The following C1QTNF7 variants were observed in gnomAD, a reference collection of about 807,000 sequenced individuals.
C1QTNF7 encodes the protein complement C1q tumor necrosis factor-related protein 7.
C1QTNF7 carries 15 observed loss-of-function variants against 19.6 expected under a neutral mutation model. That is an observed-to-expected ratio of 0.76 (90% CI 0.51 to 1.18). The LOEUF (loss-of-function observed/expected upper bound fraction) is 1.18, where lower values mean the gene tolerates loss of function less well. Among genes scored for constraint, C1QTNF7 ranks in the 50% most tolerant of loss-of-function variants. C1QTNF7 has a pLI of 0.00. For missense variants in C1QTNF7, 324 were observed against 359.7 expected, an observed-to-expected ratio of 0.90 and a Z score of 0.80; for synonymous variants, 142 against 137.5, an observed-to-expected ratio of 1.03 and a Z score of -0.23.
At chr4:15,364,568 A>G (rs1560343013) in intron 1 of C1QTNF7, among the ~76,000 whole-genome samples, 1 of 152,214 alleles carries the variant, frequency 6.6e-6, no homozygotes, top group Non-Finnish European at 1.5e-5. Context: ...AATATTATCC[A>G]TGCTCTAATA....
At chr4:15,350,190 GA>G (rs1716868617) in intron 1 of C1QTNF7, among the ~76,000 whole-genome samples, 1 of 121,998 alleles carries the variant, frequency 8.2e-6, no homozygotes, top group African/African-American at 3.0e-5. Context: ...AGGCAGGAAG[GA>G]AGGAAGGGAA....
At chr4:15,359,509 C>T (rs530220019) in intron 1 of C1QTNF7, among the ~76,000 whole-genome samples, 73 of 152,238 alleles carry the variant, frequency 4.8e-4, no homozygotes, top group African/African-American at 1.7e-3. Context: ...TTGTAGGACA[C>T]TTAGCATCCC....
intron 1 of C1QTNF7, among the ~76,000 whole-genome samples, chr4:15,419,777 AT>A (rs1181670978): frequency 6.6e-6 from 1 of 152,128 alleles, no homozygotes; most frequent in African/African-American, 2.4e-5. Flanking sequence ...AATAGGAAAA[AT>A]ATTAGAAGGA....
At chr4:15,422,830 C>T (rs543693099) in intron 1 of C1QTNF7, among the ~76,000 whole-genome samples, 178 of 151,970 alleles carry the variant, frequency 1.2e-3, no homozygotes, top group African/African-American at 4.0e-3. Context: ...GCCATATTGC[C>T]CAGGCTGGTC....
intron 1 of C1QTNF7, among the ~76,000 whole-genome samples, chr4:15,348,543 A>G (rs2109284401): frequency 6.6e-6 from 1 of 152,232 alleles, no homozygotes; most frequent in South Asian, 2.1e-4. Flanking sequence ...CATCTGCAGG[A>G]CCAAGCAGGA....
At chr4:15,359,769 C>A (rs1200073338) in intron 1 of C1QTNF7, among the ~76,000 whole-genome samples, 1 of 152,158 alleles carries the variant, frequency 6.6e-6, no homozygotes. Flanking sequence ...CCAGTCTACC[C>A]CCAGATTTTC....
chr4:15,375,753 A>G (rs1717916451), intron 1 of C1QTNF7, among the ~76,000 whole-genome samples: 1 of 152,164 alleles, frequency 6.6e-6, no homozygotes, highest in Admixed American at 6.5e-5. Flanking sequence ...TGATTTCAAT[A>G]AGACCCCACA....
chr4:15,389,422 G>A (rs1718470385), intron 1 of C1QTNF7, among the ~76,000 whole-genome samples: 1 of 151,956 alleles, frequency 6.6e-6, no homozygotes, highest in South Asian at 2.1e-4. Context: ...AAAATGAGGA[G>A]TCTTTTTATT....
chr4:15,404,907 G>A (rs1032685056), intron 1 of C1QTNF7, among the ~76,000 whole-genome samples: 1 of 152,142 alleles, frequency 6.6e-6, no homozygotes, highest in Admixed American at 6.5e-5. Context: ...CAATTCATAA[G>A]TTGGGTTCAG....
Position 15,444,823 on chromosome 4 carries a change from A to G in C1QTNF7, c.*2024A>G, listed in dbSNP as rs1351330889. ...GGAAAGCGCACTTGAGACAGAGGTA[A>G]TGATGGGGACGAAGTGAGAACAGAG... On this transcript the variant is annotated 3_prime_UTR_variant, in exon 3 of 3. Coordinates refer to ENST00000444304, the MANE Select transcript of C1QTNF7 (RefSeq NM_031911.5). The G allele has an allele frequency of 6.6e-6, 1 of 152,230 alleles. No individual in the cohort carries two copies. Among genetic ancestry groups the G allele is most frequent in the Non-Finnish European group, 1.5e-5 (1 of 68,046 alleles). 9.4% of individuals were successfully genotyped at this position (152,230 alleles called of 1,614,324 possible).
chr4:15,340,288 A>C, intron 1 of C1QTNF7: 1 of 1,475,950 alleles, frequency 6.8e-7, no homozygotes, highest in African/African-American at 1.4e-5. Context: ...GGAGAACTTA[A>C]GAAAGCTCCT....
rs956873476 is a variant in C1QTNF7 at position 15,444,820 on chromosome 4, G to C, written c.*2021G>C. On this transcript the variant is annotated 3_prime_UTR_variant, in exon 3 of 3. Transcript: ENST00000444304. ...GGGGGAAAGCGCACTTGAGACAGAGGTAATGATGGGGACGAAGTGAGAACA... is the reference window on the plus strand; with the variant it reads ...GGGGGAAAGCGCACTTGAGACAGAGCTAATGATGGGGACGAAGTGAGAACA... The C allele has an allele frequency of 1.3e-5, 2 of 152,236 alleles. No homozygotes were observed. The highest frequency in any genetic ancestry group is 1.3e-4 in the Admixed American group (2 of 15,286). The allele number at this position is 152,236 out of a possible 1,614,324, so 9.4% of individuals were successfully genotyped here.
intron 1 of C1QTNF7, among the ~76,000 whole-genome samples, chr4:15,388,003 C>T (rs765655302): frequency 2.0e-4 from 30 of 152,024 alleles, no homozygotes; most frequent in Non-Finnish European, 3.5e-4. Flanking sequence ...TGACCTTGGA[C>T]GGAGGCACTA....
upstream of C1QTNF7, among the ~76,000 whole-genome samples, chr4:15,427,394 A>C (rs1056923446): frequency 2.6e-5 from 4 of 152,246 alleles, no homozygotes; most frequent in African/African-American, 7.2e-5. Context: ...GCTTTGGAGA[A>C]TCATTCTGCC....
chr4:15,367,964 TG>T (rs1228768890), intron 1 of C1QTNF7, among the ~76,000 whole-genome samples: 1 of 152,216 alleles, frequency 6.6e-6, no homozygotes, highest in East Asian at 1.9e-4. Context: ...AGCTGAGTTT[TG>T]TACACACCCA....
exon 1 of C1QTNF7, chr4:15,340,099 A>C: frequency 7.3e-7 from 1 of 1,365,726 alleles, no homozygotes; most frequent in Non-Finnish European, 1.0e-6. Flanking sequence ...AATAATAAAC[A>C]CATATTTCTG....
chr4:15,385,870 ATTACGGC>A (rs1380274136), intron 1 of C1QTNF7, among the ~76,000 whole-genome samples: 1 of 152,260 alleles, frequency 6.6e-6, no homozygotes, highest in African/African-American at 2.4e-5. Context: ...AACCACCTTC[ATTACGGC>A]TTATATATTA....
chr4:15,442,806 C>T lies in C1QTNF7; in HGVS notation c.*7C>T. Reference sequence around the variant, plus strand: ...AGAAGATGATGAATTGTGATCAGGACCAAGATCCCTGTGGTAAACACTCTG... The same window carrying T: ...AGAAGATGATGAATTGTGATCAGGATCAAGATCCCTGTGGTAAACACTCTG... On this transcript the variant is annotated 3_prime_UTR_variant, in exon 3 of 3. Coordinates refer to ENST00000444304, the MANE Select transcript of C1QTNF7 (RefSeq NM_031911.5). 1.9e-6 allele frequency: 3 copies of T among 1,589,578 alleles called. No individual in the cohort carries two copies. Among genetic ancestry groups the T allele is most frequent in the Non-Finnish European group, 2.6e-6 (3 of 1,168,982 alleles).
At chr4:15,363,215 C>T (rs142714106) in intron 1 of C1QTNF7, among the ~76,000 whole-genome samples, 9 of 151,884 alleles carry the variant, frequency 5.9e-5, no homozygotes, top group East Asian at 1.9e-4. Flanking sequence ...GGGAAGATCA[C>T]GCTGAGCTTA....
Sources: gnomAD v4.1 joint callset for allele counts (sites outside exome capture counted in the v4.1 genomes callset) on GRCh38, gnomAD v4.1.1 for gene constraint, MANE v1.5 for transcripts, NCBI Gene and HGNC (gene_info 2026-07-23, HGNC 2026-07-21) for gene names.